The following ZNF688 variants were observed in gnomAD, a reference collection of about 807,000 sequenced individuals.
ZNF688 encodes zinc finger protein 688.
A neutral mutation model predicts 13.2 loss-of-function variants in ZNF688; 10 were observed. The observed-to-expected ratio is 0.76, with a 90% CI of 0.47 to 1.28. The LOEUF (loss-of-function observed/expected upper bound fraction) is 1.28. Among genes scored for constraint, ZNF688 ranks in the 50% most tolerant of loss-of-function variants. The pLI is 0.00. For missense variants in ZNF688, 381 were observed against 391.4 expected (o/e 0.97, Z 0.22); for synonymous variants, 160 against 159.4 (o/e 1.00, Z -0.03).
At chr16:30,570,968 G>T in intron 2 of ZNF688, 42 bp downstream of exon 2, 1 of 1,599,714 alleles carries the variant, frequency 6.3e-7, no homozygotes, top group Non-Finnish European at 8.6e-7. Context: ...TAGACAGGAA[G>T]CCCTGGAAAA....
chr16:30,571,381 T>C, intron 1 of ZNF688, 53 bp downstream of exon 1: 2 of 1,541,126 alleles, frequency 1.3e-6, no homozygotes, highest in South Asian at 1.2e-5. Flanking sequence ...TTCTACATCA[T>C]CTCCCCTGTG....
At chr16:30,576,912 G>A (rs565615496), upstream of ZNF688, among the ~76,000 whole-genome samples, 1 of 152,118 alleles carries the variant, frequency 6.6e-6, no homozygotes, top group East Asian at 1.9e-4. Flanking sequence ...GGAACTAGAA[G>A]TGTGCAACAC....
At position 30,569,996 on chromosome 16, in the gene ZNF688, G is replaced by A; in HGVS notation, c.751C>T (p.Pro251Ser). The A allele has an allele frequency of 6.2e-7, 1 of 1,609,240 alleles. No individual in the cohort carries two copies. The highest frequency in any genetic ancestry group is 8.5e-7 in the Non-Finnish European group (1 of 1,178,434). The change falls in exon 3 of 3, where the codon CCT becomes TCT. Residue 251 changes from proline to serine, a missense_variant. Physicochemically the swap from Pro to Ser is moderately conservative, Grantham distance 74. Coordinates refer to ENST00000223459, the MANE Select transcript of ZNF688 (RefSeq NM_145271.4). ...RGRRPGIRAV[P>S]RAPVRGDRDP... ...CGGTCACCTCGGACGGGGGCCCGAG[G>A]CACAGCCCGGATCCCAGGCCTCCGG... is the stretch of plus-strand genomic sequence containing the variant.
At chr16:30,571,877 C>A (rs1056555098), upstream of ZNF688, 7 of 1,279,630 alleles carry the variant, frequency 5.5e-6, no homozygotes, top group African/African-American at 1.1e-4. Context: ...GGTTAAGGGA[C>A]CCGGAAGGTG....
At chr16:30,571,235 C>T (rs1010981796) in intron 1 of ZNF688, 112 bp from the exon 2 acceptor site, 1 of 1,536,360 alleles carries the variant, frequency 6.5e-7, no homozygotes, top group Non-Finnish European at 8.7e-7. Context: ...CTGGAAGGGG[C>T]TGCAGTGCTG....
the ZNF688 span, chr16:30,579,863 A>T: frequency 2.2e-6 from 1 of 455,866 alleles, no homozygotes; most frequent in Middle Eastern, 3.3e-4. Context: ...TGGGCCAGAA[A>T]GAACTCTCTT....
chr16:30,576,608 C>T (rs2051750309), upstream of ZNF688, among the ~76,000 whole-genome samples: 1 of 152,170 alleles, frequency 6.6e-6, no homozygotes, highest in Admixed American at 6.6e-5. Flanking sequence ...CCACCTCGGC[C>T]TCCTAAGCTG....
chr16:30,573,658 C>G (rs993924849), upstream of ZNF688: 2 of 165,836 alleles, frequency 1.2e-5, no homozygotes, highest in Non-Finnish European at 2.6e-5. Flanking sequence ...CCTTTTTATT[C>G]AATAGTGTTT....
the ZNF688 span, chr16:30,579,693 A>G: frequency 4.7e-6 from 2 of 424,276 alleles, no homozygotes; most frequent in Non-Finnish European, 9.6e-6. Context: ...GTTCCCATTA[A>G]TTATCTTGGA....
chr16:30,570,615 CT>C, intron 2 of ZNF688, 179 bp from the exon 3 acceptor site: 4 of 697,396 alleles, frequency 5.7e-6, no homozygotes, highest in Non-Finnish European at 2.3e-6. Flanking sequence ...GCCTTGGTTC[CT>C]TATGCATCAA....
chr16:30,570,477 C>A, intron 2 of ZNF688, 41 bp from the exon 3 acceptor site: 1 of 1,580,040 alleles, frequency 6.3e-7, no homozygotes, highest in Non-Finnish European at 8.6e-7. Flanking sequence ...AACACTTTTG[C>A]ACAGACTGTC....
intron 2 of ZNF688, 28 bp from the exon 3 acceptor site, chr16:30,570,464 A>G: frequency 6.3e-7 from 1 of 1,596,034 alleles, no homozygotes; most frequent in East Asian, 2.2e-5. Context: ...AGTTACACTT[A>G]CAAACACTTT....
At position 30,570,164 on chromosome 16, in the gene ZNF688, G is replaced by C. The variant is rs1359582584; in HGVS notation, c.583C>G (p.Pro195Ala). The C allele has an allele frequency of 6.2e-7, 1 of 1,611,272 alleles. No homozygotes were observed. Residue 195 changes from proline (P) to alanine (A), a missense_variant, in exon 3 of 3, where the codon CCC becomes GCC. By Grantham distance (27) the Pro-to-Ala change is conservative (BLOSUM62 -1). Coordinates refer to ENST00000223459, the MANE Select transcript of ZNF688 (RefSeq NM_145271.4). Reference protein sequence around the residue: ...CTDCGRRFTYPSLLVSHRRMH... With the variant: ...CTDCGRRFTYASLLVSHRRMH... ...CGCCTGTGGCTGACCAGCAGTGAGG[G>C]GTAGGTGAAGCGGCGGCCGCAGTCC...
chr16:30,571,116 TG>T lies in ZNF688; in HGVS notation c.203del (p.Pro68GlnfsTer61). Reference sequence around the variant, plus strand: ...AAGAGATGAGGGCTGGTTTGGGGCCTGGGAATCCTGGGAGAGAACAGGGATC... The same window carrying T: ...AAGAGATGAGGGCTGGTTTGGGGCCTGGAATCCTGGGAGAGAACAGGGATC... The part of the protein sequence containing the change: ...TYGHLGALGF[P>X]GPKPALISWM... On this transcript the variant is annotated frameshift_variant, in exon 2 of 3. Transcript: ENST00000223459. LOFTEE classifies it high-confidence loss of function. 6.4e-7 allele frequency: 1 copy of T among 1,574,458 alleles called. No homozygotes were observed. The highest frequency in any genetic ancestry group is 8.6e-7 in the Non-Finnish European group (1 of 1,160,756).
upstream of ZNF688, among the ~76,000 whole-genome samples, chr16:30,576,628 T>C (rs1029583498): frequency 6.6e-6 from 1 of 151,894 alleles, no homozygotes; most frequent in East Asian, 1.9e-4. Flanking sequence ...GCTGGGATTA[T>C]AGGCGTGAGC....
At position 30,570,416 on chromosome 16, in the gene ZNF688, C is replaced by T. The variant is rs2051656688; in HGVS notation, c.331G>A (p.Glu111Lys). The T allele has an allele frequency of 1.9e-6, 3 of 1,612,180 alleles. No individual in the cohort carries two copies. Among genetic ancestry groups the T allele is most frequent in the Non-Finnish European group, 2.5e-6 (3 of 1,179,472 alleles). Reference protein sequence around the residue: ...ARRGDVPNRKEEEPEEVPRAK... With the variant: ...ARRGDVPNRKKEEPEEVPRAK... ...CTTGGGACTTCCTCCGGTTCCTCTT[C>T]CTTCCTGTTTGGGACATCTCCTGGG... The change falls in exon 3 of 3, where the codon GAA becomes AAA. Residue 111 changes from glutamate to lysine, a missense_variant. Glu to Lys is a moderately conservative substitution (Grantham distance 56). Transcript: ENST00000223459.
chr16:30,572,098 G>GT, upstream of ZNF688: 1 of 1,540,630 alleles, frequency 6.5e-7, no homozygotes, highest in Non-Finnish European at 8.8e-7. Flanking sequence ...CAAGAAAGAT[G>GT]TAAGGGCCCG....
chr16:30,578,036 C>T, the ZNF688 span, among the ~76,000 whole-genome samples: 2 of 152,070 alleles, frequency 1.3e-5, no homozygotes, highest in Non-Finnish European at 2.9e-5. Flanking sequence ...TCCTGCCACT[C>T]ATTATAAAAA....
upstream of ZNF688, chr16:30,572,872 A>C (rs185139158): frequency 6.8e-6 from 1 of 147,464 alleles, no homozygotes; most frequent in Non-Finnish European, 1.5e-5. Context: ...GTTCCCAGCC[A>C]TTTCTACTTT....
Sources: gnomAD v4.1 joint callset for allele counts (sites outside exome capture counted in the v4.1 genomes callset) on GRCh38, gnomAD v4.1.1 for gene constraint, MANE v1.5 for transcripts, NCBI Gene and HGNC (gene_info 2026-07-23, HGNC 2026-07-21) for gene names.